RYR3: variants seen among roughly 807,000 people sequenced by gnomAD.
The protein encoded by RYR3 is ryanodine receptor 3, also known as brain ryanodine receptor-calcium release channel.
A neutral mutation model predicts 584.3 loss-of-function variants in RYR3; 207 were observed. That is an observed-to-expected ratio of 0.35 (90% CI 0.32 to 0.40). RYR3 has a LOEUF of 0.40. Among genes scored for constraint, RYR3 ranks in the 10% least tolerant of loss-of-function variants. RYR3 has a pLI of 1.00. For missense variants in RYR3, 5,616 were observed against 6,089.2 expected, an observed-to-expected ratio of 0.92 and a Z score of 2.59; for synonymous variants, 2,416 against 2,248.5, an observed-to-expected ratio of 1.07 and a Z score of -2.11.
chr15:33,551,029 C>T (rs2056636669), intron 10 of RYR3, among the ~76,000 whole-genome samples: 2 of 152,114 alleles, frequency 1.3e-5, no homozygotes, highest in Non-Finnish European at 2.9e-5. Context: ...GACAACTATT[C>T]TTTTTTAGAA....
At position 33,601,461 on chromosome 15, in the gene RYR3, G is replaced by A. The variant is rs979125271; in HGVS notation, c.1831G>A (p.Ala611Thr). 5 of 1,613,394 alleles carry A rather than the reference G, an allele frequency of 3.1e-6. No individual in the cohort carries two copies. Among genetic ancestry groups the A allele is most frequent in the South Asian group, 2.2e-5 (2 of 90,888 alleles). ...CTCCCTCTGTCTCTGCAATGGGGTT[G>A]CAGTGAGAGCCAACCAGAATCTGAT... is the stretch of plus-strand genomic sequence containing the variant. Reference protein sequence around the residue: ...LCSLCLCNGVAVRANQNLICD... With the variant: ...LCSLCLCNGVTVRANQNLICD... Residue 611 changes from alanine to threonine, a missense_variant, in exon 17 of 104, where the codon GCA becomes ACA. Physicochemically the swap from Ala to Thr is moderately conservative, Grantham distance 58. This residue lies in a region of RYR3 where 1,284 missense variants were observed against 1,344.6 expected (regional missense o/e 0.95). Coordinates refer to ENST00000634891, the MANE Select transcript of RYR3 (RefSeq NM_001036.6).
At chr15:33,718,197 T>C (rs779054959) in intron 43 of RYR3, among the ~76,000 whole-genome samples, 2 of 152,196 alleles carry the variant, frequency 1.3e-5, no homozygotes, top group Admixed American at 6.5e-5. Flanking sequence ...TTCTTTTCTT[T>C]AGGACTAATT....
intron 95 of RYR3, among the ~76,000 whole-genome samples, 153 bp downstream of exon 95, chr15:33,853,240 A>AT (rs771808351): frequency 6.6e-6 from 1 of 152,246 alleles, no homozygotes; most frequent in Admixed American, 6.5e-5. Flanking sequence ...GGATATGAAC[A>AT]TATGTAGGTT....
chr15:33,432,694 G>GTGTGTGTGTGTGTGTGTA (rs1243653764), intron 1 of RYR3, among the ~76,000 whole-genome samples: 3 of 149,038 alleles, frequency 2.0e-5, no homozygotes, highest in African/African-American at 7.5e-5. Flanking sequence ...GTGTGTGTGT[G>GTGTGTGTGTGTGTGTGTA]TGTTTAAAGT....
intron 43 of RYR3, 150 bp from the exon 44 acceptor site, chr15:33,722,565 T>G: frequency 1.4e-6 from 1 of 703,274 alleles, no homozygotes; most frequent in Non-Finnish European, 2.5e-6. Flanking sequence ...TAGTTCCTTC[T>G]CCACTCCCAC....
At chr15:33,463,597 A>AT (rs2142097235) in intron 1 of RYR3, among the ~76,000 whole-genome samples, 1 of 148,792 alleles carries the variant, frequency 6.7e-6, no homozygotes, top group Non-Finnish European at 1.5e-5. Context: ...TCCATGTTAC[A>AT]TAACAGCATG....
At chr15:33,616,405 A>G (rs1464209483) in intron 19 of RYR3, among the ~76,000 whole-genome samples, 1 of 152,222 alleles carries the variant, frequency 6.6e-6, no homozygotes, top group African/African-American at 2.4e-5. Context: ...CCTCTTGACA[A>G]GAACCGCAGT....
intron 10 of RYR3, 125 bp from the exon 11 acceptor site, chr15:33,562,712 C>A (rs996978185): frequency 6.1e-6 from 4 of 655,072 alleles, no homozygotes; most frequent in Admixed American, 3.0e-5. Context: ...TGGACAGGCA[C>A]ATCATGATTA....
intron 28 of RYR3, 145 bp downstream of exon 28, chr15:33,644,664 C>T: frequency 1.6e-6 from 1 of 638,072 alleles, no homozygotes; most frequent in South Asian, 1.9e-5. Context: ...GCCCTCAGAG[C>T]TGCAGTTGCA....
At position 33,613,351 on chromosome 15, in the gene RYR3, T is replaced by C. The variant is rs1308669862; in HGVS notation, c.2333T>C (p.Val778Ala). The change falls in exon 19 of 104, where the codon GTG (valine) becomes GCG (alanine). Residue 778 changes from valine to alanine, a missense_variant. By Grantham distance (64) the Val-to-Ala change is moderately conservative. Transcript: ENST00000634891. Reference sequence around the variant, plus strand: ...AACACAGACGGGCTCTTCTTCCCTGTGATGAGCTTTTCAGCAGGTGTCAAG... The same window carrying C: ...AACACAGACGGGCTCTTCTTCCCTGCGATGAGCTTTTCAGCAGGTGTCAAG... ...NFNTDGLFFP[V>A]MSFSAGVKVR... The C allele has an allele frequency of 6.2e-7, 1 of 1,608,290 alleles. No homozygotes were observed. The highest frequency in any genetic ancestry group is 8.5e-7 in the Non-Finnish European group (1 of 1,176,654).
intron 1 of RYR3, among the ~76,000 whole-genome samples, chr15:33,462,996 C>T (rs900169513): frequency 1.3e-5 from 2 of 151,902 alleles, no homozygotes; most frequent in Non-Finnish European, 2.9e-5. Context: ...CATGGCAAAA[C>T]CCCGTCTCTA....
At chr15:33,789,511 T>C (rs376839190) in intron 67 of RYR3, among the ~76,000 whole-genome samples, 1 of 148,652 alleles carries the variant, frequency 6.7e-6, no homozygotes, top group African/African-American at 2.5e-5. Flanking sequence ...GCTTTCCTTT[T>C]GGGGTGATGA....
Position 33,858,261 on chromosome 15 carries a change from A to G in RYR3, c.14142+347A>G, listed in dbSNP as rs141684984. ...CTTTTGTCGCCCAGGCTGGAGTGCAATGGCGTCATCTCAGCTCATTGCAAC... is the reference window on the plus strand; with the variant it reads ...CTTTTGTCGCCCAGGCTGGAGTGCAGTGGCGTCATCTCAGCTCATTGCAAC... On this transcript the variant is annotated intron_variant, in intron 99 of 103. Transcript: ENST00000634891. 14 of 225,416 alleles carry G rather than the reference A, an allele frequency of 6.2e-5. No homozygotes were observed. The East Asian group carries it at 1.3e-3, about 22-fold the overall frequency. 14.0% of individuals were successfully genotyped at this position (225,416 alleles called of 1,614,324 possible).
chr15:33,413,257 A>G (rs544608706), intron 1 of RYR3, among the ~76,000 whole-genome samples: 3 of 152,350 alleles, frequency 2.0e-5, no homozygotes, highest in East Asian at 3.9e-4. Context: ...TTGGATCCTC[A>G]AAAGATTTGT....
intron 102 of RYR3, among the ~76,000 whole-genome samples, chr15:33,863,195 G>C (rs1166321743): frequency 6.6e-6 from 1 of 152,126 alleles, no homozygotes; most frequent in African/African-American, 2.4e-5. Context: ...TCGTGTTTGA[G>C]CCTCCCACCT....
chr15:33,344,497 ATATATATT>A (rs1972201487), intron 1 of RYR3, among the ~76,000 whole-genome samples: 1 of 152,078 alleles, frequency 6.6e-6, no homozygotes, highest in Non-Finnish European at 1.5e-5. Context: ...TGGACAATAT[ATATATATT>A]TTTCCAGAAG....
At chr15:33,646,574 T>C in intron 29 of RYR3, 48 bp downstream of exon 29, 1 of 1,519,168 alleles carries the variant, frequency 6.6e-7, no homozygotes, top group Non-Finnish European at 8.9e-7. Flanking sequence ...GTATCTCCTG[T>C]AAAGTGGGCT....
chr15:33,559,791 AAAATACTG>A (rs1386274725), intron 10 of RYR3, among the ~76,000 whole-genome samples: 1 of 152,212 alleles, frequency 6.6e-6, no homozygotes, highest in Admixed American at 6.5e-5. Flanking sequence ...AAAGGTTTTA[AAAATACTG>A]AAATACTGTA....
intron 64 of RYR3, among the ~76,000 whole-genome samples, chr15:33,776,356 A>G (rs902274377): frequency 6.6e-6 from 1 of 152,266 alleles, no homozygotes; most frequent in African/African-American, 2.4e-5. Flanking sequence ...GCATTTAATC[A>G]TGCAGAATAC....
Sources: allele counts gnomAD v4.1 joint callset (sites outside exome capture counted in the v4.1 genomes callset), GRCh38; gene constraint gnomAD v4.1.1; regional missense constraint gnomAD v4.1.1; transcripts MANE v1.5; gene names NCBI Gene and HGNC (gene_info 2026-07-23, HGNC 2026-07-21).